Variants in ADGRB3 observed in about 807,000 individuals in gnomAD.
ADGRB3 encodes the protein adhesion G protein-coupled receptor B3.
A neutral mutation model predicts 193.4 loss-of-function variants in ADGRB3; 37 were observed. That is an observed-to-expected ratio of 0.19 (90% confidence interval 0.15 to 0.25). The LOEUF is 0.25. ADGRB3 is among the 10% of genes least tolerant of loss of function. The probability of loss-of-function intolerance (pLI) is 1.00; values close to 1 mark genes in which losing one functional copy is unlikely to be tolerated. For missense variants in ADGRB3, 1,637 were observed against 1,852.9 expected, an observed-to-expected ratio of 0.88 and a Z score of 2.14; for synonymous variants, 690 against 644.2, an observed-to-expected ratio of 1.07 and a Z score of -1.08.
At chr6:68,985,403 G>C (rs1394398647) in intron 10 of ADGRB3, among the ~76,000 whole-genome samples, 1 of 152,170 alleles carries the variant, frequency 6.6e-6, no homozygotes, top group African/African-American at 2.4e-5. Flanking sequence ...GCATTAGAGA[G>C]AGGCAAAGAA....
rs976356600 is a variant in ADGRB3, at chr6:68,721,566, G to GTA, written c.757+82142_757+82143dup. ...GGTGCAGCACACCAACGTGGCACAT[G>GTA]TATATATATGTAACAAACCTGCACG... On this transcript the variant is annotated intron_variant, in intron 3 of 31. Coordinates refer to ENST00000370598, the MANE Select transcript of ADGRB3 (RefSeq NM_001704.3). Among the ~76,000 whole-genome samples, 27 of 149,146 alleles carry GTA rather than the reference G, an allele frequency of 1.8e-4. No individual in the cohort carries two copies. In the East Asian group the frequency reaches 4.0e-3, roughly 22 times the overall value.
chr6:68,745,286 C>T (rs999888785), intron 3 of ADGRB3, among the ~76,000 whole-genome samples: 4 of 152,112 alleles, frequency 2.6e-5, no homozygotes, highest in Non-Finnish European at 5.9e-5. Context: ...TAAATTCTGT[C>T]ATAAGCAACA....
At chr6:68,863,267 A>G (rs1765205393) in intron 3 of ADGRB3, among the ~76,000 whole-genome samples, 1 of 152,058 alleles carries the variant, frequency 6.6e-6, no homozygotes, top group African/African-American at 2.4e-5. Flanking sequence ...CTGAGTACAG[A>G]CAAAAGAAAT....
At chr6:69,052,828 A>G (rs2150303797) in intron 15 of ADGRB3, among the ~76,000 whole-genome samples, 1 of 152,352 alleles carries the variant, frequency 6.6e-6, no homozygotes. Flanking sequence ...GATGAAGTCC[A>G]TACTAAATAT....
chr6:69,014,226 A>G (rs1582394660), intron 12 of ADGRB3, 120 bp downstream of exon 12: 1 of 629,590 alleles, frequency 1.6e-6, no homozygotes, highest in East Asian at 3.0e-5. Flanking sequence ...TCTAGGTTAT[A>G]TCCTAGTAAT....
At chr6:69,286,768 A>G (rs1246229215) in intron 20 of ADGRB3, among the ~76,000 whole-genome samples, 2 of 152,224 alleles carry the variant, frequency 1.3e-5, no homozygotes, top group Non-Finnish European at 1.5e-5. Context: ...GAAACAGGCT[A>G]TTGTAAGAAA....
intron 3 of ADGRB3, among the ~76,000 whole-genome samples, chr6:68,673,886 T>A (rs1365324546): frequency 6.6e-6 from 1 of 152,122 alleles, no homozygotes; most frequent in Non-Finnish European, 1.5e-5. Flanking sequence ...TAGGGACTAT[T>A]TACTTCCTAT....
chr6:69,268,585 C>G (rs1190162512), intron 20 of ADGRB3, among the ~76,000 whole-genome samples: 1 of 152,132 alleles, frequency 6.6e-6, no homozygotes, highest in Non-Finnish European at 1.5e-5. Context: ...TTGACATACT[C>G]TGGCCTGGGG....
chr6:68,969,286 T>A (rs62418296), intron 8 of ADGRB3, among the ~76,000 whole-genome samples: 13,156 of 152,206 alleles, frequency 0.086, 722 homozygotes, highest in Non-Finnish European at 0.13. Flanking sequence ...TTAAGCAGCA[T>A]TTTAAGGATA....
At chr6:68,691,202 T>C (rs191073864) in intron 3 of ADGRB3, among the ~76,000 whole-genome samples, 11 of 152,250 alleles carry the variant, frequency 7.2e-5, no homozygotes, top group Non-Finnish European at 1.5e-4. Context: ...ATGTACTTTA[T>C]AGAGTACATG....
At chr6:69,104,699 A>C (rs1773161568) in intron 17 of ADGRB3, among the ~76,000 whole-genome samples, 6 of 152,130 alleles carry the variant, frequency 3.9e-5, no homozygotes, top group Admixed American at 3.9e-4. Context: ...CTGAAAACAC[A>C]ATATGTGTTT....
intron 3 of ADGRB3, among the ~76,000 whole-genome samples, chr6:68,843,310 TAAAC>T (rs1337603949): frequency 6.6e-6 from 1 of 151,930 alleles, no homozygotes. Context: ...TTAGAGATAA[TAAAC>T]AAATTTAGTA....
At position 68,645,905 on chromosome 6, in the gene ADGRB3, C is replaced by G. The variant is rs562803823; in HGVS notation, c.757+6473C>G. On this transcript the variant is annotated intron_variant, in intron 3 of 31. Transcript: ENST00000370598. Reference sequence around the variant, plus strand: ...GCCAGGCTGGTCTCAAACTCCTGACCTCAGGTGATCCACCTGCCTCGGCCT... The same window carrying G: ...GCCAGGCTGGTCTCAAACTCCTGACGTCAGGTGATCCACCTGCCTCGGCCT... 2.0e-5 allele frequency among the ~76,000 whole-genome samples: 3 copies of G among 152,022 alleles called. No individual in the cohort carries two copies. The East Asian group carries it at 5.9e-4, about 30-fold the overall frequency.
intron 3 of ADGRB3, among the ~76,000 whole-genome samples, chr6:68,641,956 A>G (rs1212857157): frequency 1.3e-5 from 2 of 152,090 alleles, no homozygotes; most frequent in East Asian, 3.8e-4. Context: ...ATATAGCTGT[A>G]CTAATCATAT....
chr6:68,943,165 A>G (rs1767687691), intron 5 of ADGRB3, among the ~76,000 whole-genome samples: 1 of 152,178 alleles, frequency 6.6e-6, no homozygotes, highest in African/African-American at 2.4e-5. Context: ...CGTCATTAGA[A>G]AGAGATTATC....
rs193028902 is a variant in ADGRB3, at chr6:69,188,166, C to A, written c.2481-45124C>A. Among the ~76,000 whole-genome samples, 128 of 152,208 alleles carry A rather than the reference C, an allele frequency of 8.4e-4. 1 individual carries two copies. Among genetic ancestry groups the A allele is most frequent in the Middle Eastern group, 6.8e-3 (2 of 294 alleles). Reference sequence around the variant, plus strand: ...TGAGGCCCAGATTCATAAAATTAATCATTCCAATAAAACTAAAAGGTTAAT... The same window carrying A: ...TGAGGCCCAGATTCATAAAATTAATAATTCCAATAAAACTAAAAGGTTAAT... On this transcript the variant is annotated intron_variant, in intron 17 of 31. Coordinates refer to ENST00000370598, the MANE Select transcript of ADGRB3 (RefSeq NM_001704.3).
chr6:69,271,481 T>C (rs888709148), intron 20 of ADGRB3, among the ~76,000 whole-genome samples: 6 of 152,140 alleles, frequency 3.9e-5, no homozygotes, highest in East Asian at 1.9e-4. Flanking sequence ...AAAATTAAAG[T>C]TTTTAAAATG....
At chr6:69,274,335 T>C in intron 20 of ADGRB3, among the ~76,000 whole-genome samples, 1 of 152,194 alleles carries the variant, frequency 6.6e-6, no homozygotes, top group Non-Finnish European at 1.5e-5. Flanking sequence ...TACCTTTCAG[T>C]GTTCATGCCA....
At chr6:69,070,260 A>G (rs1269164218) in intron 16 of ADGRB3, among the ~76,000 whole-genome samples, 1 of 152,212 alleles carries the variant, frequency 6.6e-6, no homozygotes, top group African/African-American at 2.4e-5. Flanking sequence ...ATTATGGCAT[A>G]TAACCACCAA....
Sources: gnomAD v4.1 joint callset for allele counts (sites outside exome capture counted in the v4.1 genomes callset) on GRCh38, gnomAD v4.1.1 for gene constraint, MANE v1.5 for transcripts, NCBI Gene and HGNC (gene_info 2026-07-23, HGNC 2026-07-21) for gene names.